Variants in GGA2 observed in about 807,000 individuals in gnomAD.
GGA2 encodes golgi associated, gamma adaptin ear containing, ARF binding protein 2, also known as ADP-ribosylation factor-binding protein GGA2.
GGA2 carries 48 observed loss-of-function variants against 79.5 expected under a neutral mutation model. The ratio of observed to expected loss-of-function variants is 0.60; its 90% CI spans 0.48 to 0.77. GGA2 has a LOEUF of 0.77. GGA2 is among the 30% of genes least tolerant of loss of function. GGA2 has a pLI of 0.00. For missense variants in GGA2, 770 were observed against 774.0 expected, an observed-to-expected ratio of 0.99 and a Z score of 0.06; for synonymous variants, 317 against 302.0, an observed-to-expected ratio of 1.05 and a Z score of -0.51.
chr16:23,510,199 C>T, intron 1 of GGA2, 122 bp downstream of exon 1: 1 of 495,982 alleles, frequency 2.0e-6, no homozygotes. Context: ...CGGGCCCAGG[C>T]CCCCTACCCG....
intron 10 of GGA2, chr16:23,480,439 C>T (rs1964632482): frequency 1.2e-5 from 6 of 510,932 alleles, no homozygotes; most frequent in Non-Finnish European, 2.1e-5. Flanking sequence ...TGTGTGTAGT[C>T]AAAGCTGGGG....
chr16:23,493,017 G>C (rs1452747439), intron 4 of GGA2, among the ~76,000 whole-genome samples: 2 of 152,218 alleles, frequency 1.3e-5, no homozygotes, highest in Non-Finnish European at 2.9e-5. Flanking sequence ...GACAGGTACA[G>C]AGGACAAGGC....
intron 8 of GGA2, among the ~76,000 whole-genome samples, chr16:23,483,350 T>C (rs998997603): frequency 3.3e-5 from 5 of 152,226 alleles, no homozygotes; most frequent in Middle Eastern, 3.4e-3. Context: ...CTACTAAAAA[T>C]ACAAAAGTTA....
intron 1 of GGA2, among the ~76,000 whole-genome samples, chr16:23,505,115 C>T (rs1397054031): frequency 6.6e-6 from 1 of 152,172 alleles, no homozygotes; most frequent in African/African-American, 2.4e-5. Flanking sequence ...AGGGGGACTC[C>T]TTCCCTGGGA....
chr16:23,490,722 G>A (rs531800120), intron 5 of GGA2, among the ~76,000 whole-genome samples: 32 of 148,528 alleles, frequency 2.2e-4, no homozygotes, highest in African/African-American at 7.4e-4. Flanking sequence ...GCAACAGAGT[G>A]AGACTCTGTC....
chr16:23,496,036 A>T (rs1352463977), intron 1 of GGA2, among the ~76,000 whole-genome samples: 2 of 152,202 alleles, frequency 1.3e-5, no homozygotes, highest in African/African-American at 4.8e-5. Flanking sequence ...ACAGTGGCTC[A>T]TGCCTGTAAT....
In GGA2 at chr16:23,465,032, T is replaced by TA; in HGVS notation, c.*2557dup. Reference sequence around the variant, plus strand: ...AACAGGACCCCCGAAGAGTTCAAGATACTGGAAAGCACTGGCCATGAGTGC... The same window carrying TA: ...AACAGGACCCCCGAAGAGTTCAAGATAACTGGAAAGCACTGGCCATGAGTGC... On this transcript the variant is annotated 3_prime_UTR_variant, in exon 17 of 17. Transcript: ENST00000309859. 1 of 438,944 alleles carries TA rather than the reference T, an allele frequency of 2.3e-6. No individual in the cohort carries two copies. Among genetic ancestry groups the TA allele is most frequent in the Non-Finnish European group, 4.1e-6 (1 of 242,846 alleles). The allele number at this position is 438,944 out of a possible 1,614,324, so 27.2% of individuals were successfully genotyped here.
At chr16:23,501,266 G>A (rs1964918781) in intron 1 of GGA2, 2 of 454,778 alleles carry the variant, frequency 4.4e-6, no homozygotes, top group Non-Finnish European at 8.8e-6. Flanking sequence ...TGGTAGCATC[G>A]CTCTGTGTCC....
At chr16:23,499,788 A>G (rs1964899800) in intron 1 of GGA2, among the ~76,000 whole-genome samples, 1 of 152,172 alleles carries the variant, frequency 6.6e-6, no homozygotes, top group South Asian at 2.1e-4. Context: ...AAGCCTCTTC[A>G]TTTGTTGAAA....
At chr16:23,517,188 G>A (rs940325875) in intron 2 of GGA2, among the ~76,000 whole-genome samples, 1 of 151,568 alleles carries the variant, frequency 6.6e-6, no homozygotes, top group Admixed American at 6.6e-5. Context: ...TCCCTAGTAG[G>A]TGGGACTATA....
At chr16:23,483,994 A>T (rs531589737) in intron 8 of GGA2, among the ~76,000 whole-genome samples, 103 of 137,264 alleles carry the variant, frequency 7.5e-4, no homozygotes, top group African/African-American at 2.6e-3. Flanking sequence ...GGAAGACATT[A>T]AAAAAAAAAA....
chr16:23,511,050 T>TGTGTGTGTGTGTGTGTG (rs57500272), upstream of GGA2, among the ~76,000 whole-genome samples: 22 of 149,488 alleles, frequency 1.5e-4, no homozygotes, highest in South Asian at 2.1e-4. Flanking sequence ...TGTGTGTGTG[T>TGTGTGTGTGTGTGTGTG]TAGAGACTGG....
At chr16:23,502,669 C>A (rs558342853) in intron 1 of GGA2, among the ~76,000 whole-genome samples, 1 of 152,198 alleles carries the variant, frequency 6.6e-6, no homozygotes, top group Non-Finnish European at 1.5e-5. Flanking sequence ...GCGGTTCTCA[C>A]GGGAGCAGCT....
intron 1 of GGA2, among the ~76,000 whole-genome samples, chr16:23,519,912 G>C (rs1008194905): frequency 3.9e-5 from 6 of 152,184 alleles, no homozygotes; most frequent in Admixed American, 3.9e-4. Flanking sequence ...AATGGTGATA[G>C]TTACCTAACA....
chr16:23,465,856 G>A lies in GGA2; in HGVS notation c.*1734C>T, dbSNP rs1259895957. On this transcript the variant is annotated 3_prime_UTR_variant, in exon 17 of 17. Coordinates refer to ENST00000309859, the MANE Select transcript of GGA2 (RefSeq NM_015044.4). ...CTCGAGAGGCTGAGGCACGAGAATC[G>A]CTTGAACCTGGTAGGCAGAGATTGC... 4 of 163,880 alleles carry A rather than the reference G, an allele frequency of 2.4e-5. No individual in the cohort carries two copies. The highest frequency in any genetic ancestry group is 1.7e-4 in the East Asian group (1 of 5,812). 10.2% of individuals were successfully genotyped at this position (163,880 alleles called of 1,614,324 possible). A position where few individuals can be genotyped will look rare whatever the true frequency, so the allele number is the denominator to read the frequency against.
In GGA2 at chr16:23,493,367, G is replaced by A. The variant is rs367713045; in HGVS notation, c.344C>T (p.Ser115Phe). The A allele has an allele frequency of 2.0e-5, 32 of 1,589,336 alleles. No homozygotes were observed. The highest frequency in any genetic ancestry group is 2.6e-5 in the Non-Finnish European group (30 of 1,157,498). Residue 115 changes from serine (S) to phenylalanine (F), a missense_variant, in exon 4 of 17, where the codon TCC (serine) becomes TTC (phenylalanine). Physicochemically the swap from Ser to Phe is radical, Grantham distance 155 (BLOSUM62 -2). Transcript: ENST00000309859. Reference sequence around the variant, plus strand: ...CCAAGCCCAGGTACTCACCTTTGGGGACAACACTTTGATCAGTTCGTTCAG... The same window carrying A: ...CCAAGCCCAGGTACTCACCTTTGGGAACAACACTTTGATCAGTTCGTTCAG... ...RFLNELIKVL[S>F]PKYLGSWATG...
chr16:23,507,027 C>T (rs1404268940), intron 1 of GGA2, among the ~76,000 whole-genome samples: 1 of 152,002 alleles, frequency 6.6e-6, no homozygotes, highest in Admixed American at 6.6e-5. Flanking sequence ...TCACATGTCC[C>T]CCTCTCCTTC....
upstream of GGA2, chr16:23,522,920 G>A (rs1965162831): frequency 1.3e-5 from 2 of 152,212 alleles, no homozygotes; most frequent in South Asian, 2.1e-4. Context: ...CTATTGGTGG[G>A]AGGCCTCGAT....
chr16:23,469,919 G>T (rs1005345611), intron 15 of GGA2, 77 bp downstream of exon 15: 5 of 1,076,974 alleles, frequency 4.6e-6, no homozygotes, highest in Non-Finnish European at 6.5e-6. Context: ...CTTGACACTC[G>T]ACAGGTAAGT....
Sources: allele counts gnomAD v4.1 joint callset (sites outside exome capture counted in the v4.1 genomes callset), GRCh38; gene constraint gnomAD v4.1.1; transcripts MANE v1.5; gene names NCBI Gene and HGNC (gene_info 2026-07-23, HGNC 2026-07-21).